The following CCDC141 variants were observed in gnomAD, a reference collection of about 807,000 sequenced individuals.
CCDC141 encodes the protein coiled-coil domain containing 141.
Under a neutral mutation model 181.0 loss-of-function variants are expected in CCDC141, and 168 were observed. That is an observed-to-expected ratio of 0.93 (90% confidence interval 0.82 to 1.05). The LOEUF is 1.05. Among genes scored for constraint, CCDC141 ranks in the 50% least tolerant of loss-of-function variants. The probability of loss-of-function intolerance (pLI) is 0.00; values close to 1 mark genes in which losing one functional copy is unlikely to be tolerated. For synonymous variants in CCDC141, 666 were observed against 642.3 expected (o/e 1.04, Z -0.56); for missense variants, 1,902 against 1,788.5 (o/e 1.06, Z -1.14).
At chr2:178,992,943 C>T (rs1356124577) in intron 2 of CCDC141, among the ~76,000 whole-genome samples, 1 of 152,178 alleles carries the variant, frequency 6.6e-6, no homozygotes, top group African/African-American at 2.4e-5. Context: ...GATGTGTTTG[C>T]ATCCCCTTAC....
At chr2:178,926,310 A>T (rs1000432172) in intron 6 of CCDC141, among the ~76,000 whole-genome samples, 3 of 152,232 alleles carry the variant, frequency 2.0e-5, no homozygotes, top group African/African-American at 7.2e-5. Context: ...ATATAATTAT[A>T]CCAAAAATTG....
chr2:179,009,994 A>T (rs2042222156), intron 2 of CCDC141, among the ~76,000 whole-genome samples: 2 of 152,194 alleles, frequency 1.3e-5, no homozygotes, highest in Admixed American at 6.5e-5. Flanking sequence ...CACTTTTAGA[A>T]ATGTGAAATC....
chr2:178,921,262 T>G (rs993070840), intron 6 of CCDC141, among the ~76,000 whole-genome samples: 1 of 152,258 alleles, frequency 6.6e-6, no homozygotes, highest in South Asian at 2.1e-4. Flanking sequence ...TTATTACCGT[T>G]ACCACTTAAA....
intron 4 of CCDC141, among the ~76,000 whole-genome samples, chr2:178,969,802 C>T (rs1047651857): frequency 2.0e-5 from 3 of 151,990 alleles, no homozygotes; most frequent in Non-Finnish European, 2.9e-5. Context: ...AAGAAATAAA[C>T]GGTATTCAAA....
chr2:178,825,835 T>C (rs1247698161), downstream of CCDC141, among the ~76,000 whole-genome samples: 1 of 152,136 alleles, frequency 6.6e-6, no homozygotes, highest in Non-Finnish European at 1.5e-5. Context: ...ATCTTCTGCT[T>C]TGGTGATTTT....
At chr2:178,964,568 C>T (rs1280394525) in intron 4 of CCDC141, among the ~76,000 whole-genome samples, 1 of 152,222 alleles carries the variant, frequency 6.6e-6, no homozygotes, top group African/African-American at 2.4e-5. Context: ...CCAGCATTAA[C>T]TTGTAAAATG....
At chr2:178,997,462 C>T (rs1692339907) in intron 2 of CCDC141, among the ~76,000 whole-genome samples, 1 of 152,126 alleles carries the variant, frequency 6.6e-6, no homozygotes, top group Non-Finnish European at 1.5e-5. Context: ...GAGACAGCTA[C>T]AGGGCATGAT....
rs534741568 is a variant in CCDC141 at position 178,856,690 on chromosome 2, G to T, written c.2725-293C>A. Among the ~76,000 whole-genome samples the T allele has an allele frequency of 2.6e-5, 4 of 152,196 alleles. No individual in the cohort carries two copies. The South Asian group carries it at 8.3e-4, about 32-fold the overall frequency. On this transcript the variant is annotated intron_variant, in intron 17 of 23. Coordinates refer to ENST00000443758, the MANE Select transcript of CCDC141 (RefSeq NM_173648.4). ...TGCAACCTCTGCCTCCTGGGTTCAA[G>T]CAATTCTCATGTCTCTCCTAAGTAG...
intron 2 of CCDC141, among the ~76,000 whole-genome samples, chr2:179,027,362 C>T (rs562204359): frequency 8.4e-4 from 127 of 152,066 alleles, no homozygotes; most frequent in African/African-American, 2.4e-3. Flanking sequence ...TGAGAGTTTC[C>T]GGCCAGGCAT....
chr2:178,861,632 T>G (rs1200052498), intron 17 of CCDC141, among the ~76,000 whole-genome samples: 8 of 123,688 alleles, frequency 6.5e-5, no homozygotes, highest in African/African-American at 1.8e-4. Context: ...TGAGACTCAG[T>G]CTCAAAAAAA....
chr2:178,943,551 C>A (rs1689605907), intron 6 of CCDC141, among the ~76,000 whole-genome samples: 1 of 152,212 alleles, frequency 6.6e-6, no homozygotes, highest in Non-Finnish European at 1.5e-5. Flanking sequence ...TATTCAACTA[C>A]TGTCTAGTAG....
At chr2:178,819,279 T>A in the CCDC141 span, among the ~76,000 whole-genome samples, 2 of 152,184 alleles carry the variant, frequency 1.3e-5, no homozygotes, top group Non-Finnish European at 2.9e-5. Context: ...AGGCTTTTAT[T>A]TGATACATTT....
intron 6 of CCDC141, among the ~76,000 whole-genome samples, chr2:178,936,451 C>T (rs907318492): frequency 1.3e-5 from 2 of 152,016 alleles, no homozygotes; most frequent in South Asian, 4.1e-4. Context: ...TTTCATTGGT[C>T]TATGTGCTTG....
chr2:178,859,424 C>T (rs1685511528), intron 17 of CCDC141, among the ~76,000 whole-genome samples: 1 of 152,126 alleles, frequency 6.6e-6, no homozygotes, highest in Non-Finnish European at 1.5e-5. Flanking sequence ...ACAGCTGTTT[C>T]TAACTTTAGT....
At chr2:178,915,636 T>C (rs1255004398) in intron 7 of CCDC141, 1 of 152,242 alleles carries the variant, frequency 6.6e-6, no homozygotes, top group South Asian at 2.1e-4. Context: ...ATTCCTGCAG[T>C]GCTAACATCC....
At chr2:178,969,800 A>G (rs1472171968) in intron 4 of CCDC141, among the ~76,000 whole-genome samples, 2 of 152,208 alleles carry the variant, frequency 1.3e-5, no homozygotes, top group Non-Finnish European at 2.9e-5. Context: ...GAAAGAAATA[A>G]ACGGTATTCA....
chr2:179,021,097 A>G (rs1369279722), intron 2 of CCDC141, among the ~76,000 whole-genome samples: 1 of 152,210 alleles, frequency 6.6e-6, no homozygotes, highest in Non-Finnish European at 1.5e-5. Flanking sequence ...TAAGATAATT[A>G]TAAGATAATA....
intron 4 of CCDC141, among the ~76,000 whole-genome samples, chr2:178,968,168 G>A (rs1481365808): frequency 1.3e-5 from 2 of 152,144 alleles, no homozygotes; most frequent in Non-Finnish European, 2.9e-5. Context: ...GTCAATATTA[G>A]ACAGATCAAT....
Position 178,853,486 on chromosome 2 carries a change from C to T in CCDC141, c.3199G>A (p.Glu1067Lys), listed in dbSNP as rs1378989552. 6.2e-7 allele frequency: 1 copy of T among 1,614,140 alleles called. No homozygotes were observed. Among genetic ancestry groups the T allele is most frequent in the Admixed American group, 1.7e-5 (1 of 60,020 alleles). The change falls in exon 20 of 24, where the codon GAA becomes AAA. Residue 1067 changes from glutamate to lysine, a missense_variant. Glu to Lys is a moderately conservative substitution (Grantham distance 56). Coordinates refer to ENST00000443758, the MANE Select transcript of CCDC141 (RefSeq NM_173648.4). ...KFIAPSVPQQEERIQEATDLA... is the reference protein window; with the variant it reads ...KFIAPSVPQQKERIQEATDLA... ...TCAGTGGCCTCCTGAATCCTTTCTT[C>T]TTGCTGCGGCACTGAGGGTGCAATA...
Sources: allele counts gnomAD v4.1 joint callset (sites outside exome capture counted in the v4.1 genomes callset), GRCh38; gene constraint gnomAD v4.1.1; transcripts MANE v1.5; gene names NCBI Gene and HGNC (gene_info 2026-07-23, HGNC 2026-07-21).